Variants in SPRYD7 observed in about 807,000 individuals in gnomAD.
The protein encoded by SPRYD7 is SPRY domain containing 7, also known as SPRY domain-containing protein 7.
A neutral mutation model predicts 23.8 loss-of-function variants in SPRYD7; 14 were observed. The observed-to-expected ratio is 0.59, with a 90% CI of 0.39 to 0.92. The LOEUF (loss-of-function observed/expected upper bound fraction) is 0.92, where lower values mean the gene tolerates loss of function less well. Ranked by LOEUF, SPRYD7 falls within the 40% of genes least tolerant of loss-of-function variation. The pLI is 0.00. For missense variants in SPRYD7, 194 were observed against 241.7 expected, an observed-to-expected ratio of 0.80 and a Z score of 1.31; for synonymous variants, 75 against 84.9, an observed-to-expected ratio of 0.88 and a Z score of 0.64.
chr13:49,933,446 A>G (rs1237623398), intron 1 of SPRYD7, among the ~76,000 whole-genome samples: 1 of 151,988 alleles, frequency 6.6e-6, no homozygotes, highest in Non-Finnish European at 1.5e-5. Flanking sequence ...TACTAAAAAT[A>G]CAAAAATTAG....
chr13:49,934,133 C>G (rs970440349), intron 1 of SPRYD7, among the ~76,000 whole-genome samples: 1 of 151,680 alleles, frequency 6.6e-6, no homozygotes, highest in Non-Finnish European at 1.5e-5. Flanking sequence ...TTTCTATTTT[C>G]AAGTCAAGAT....
chr13:49,915,424 T>C (rs1032471828), intron 4 of SPRYD7, among the ~76,000 whole-genome samples: 1 of 152,150 alleles, frequency 6.6e-6, no homozygotes, highest in African/African-American at 2.4e-5. Flanking sequence ...GATGTGAATA[T>C]GGGTAATTTT....
rs1341824498 is a variant in SPRYD7, at chr13:49,927,911, G to T, written c.390+8C>A. ...TACAGTGGAAAGCAACTCCATGAGG[G>T]AACTCACCACCACATCTCCTTCCTG... is the stretch of plus-strand genomic sequence containing the variant. On this transcript the variant is annotated splice_region_variant and intron_variant, in intron 3 of 4. Coordinates refer to ENST00000361840, the MANE Select transcript of SPRYD7 (RefSeq NM_020456.4). The T allele has an allele frequency of 6.2e-7, 1 of 1,613,880 alleles. No homozygotes were observed. The highest frequency in any genetic ancestry group is 1.1e-5 in the South Asian group (1 of 90,992).
At chr13:49,930,553 C>T (rs1329347734) in intron 2 of SPRYD7, among the ~76,000 whole-genome samples, 1 of 151,786 alleles carries the variant, frequency 6.6e-6, no homozygotes, top group Non-Finnish European at 1.5e-5. Context: ...TGCACTCCAG[C>T]CTGGGTGACA....
intron 2 of SPRYD7, among the ~76,000 whole-genome samples, chr13:49,928,585 T>C (rs564201457): frequency 6.6e-6 from 1 of 152,296 alleles, no homozygotes; most frequent in East Asian, 1.9e-4. Flanking sequence ...CTTGCGCAAA[T>C]TACCTAACCT....
intron 4 of SPRYD7, among the ~76,000 whole-genome samples, chr13:49,917,047 AATTATTGAGAGCTCAG>A (rs1249786248): frequency 4.6e-5 from 7 of 152,198 alleles, no homozygotes; most frequent in African/African-American, 7.2e-5. Context: ...AATTGCTGAA[AATTATTGAGAGCTCAG>A]ATTAGGCTAG....
chr13:49,928,118 T>G, intron 2 of SPRYD7, 33 bp from the exon 3 acceptor site: 1 of 1,587,928 alleles, frequency 6.3e-7, no homozygotes, highest in Non-Finnish European at 8.6e-7. Flanking sequence ...GCCCTCAAAA[T>G]CTGAAGACTA....
chr13:49,918,625 G>A (rs533121835), intron 4 of SPRYD7, among the ~76,000 whole-genome samples: 1 of 150,440 alleles, frequency 6.6e-6, no homozygotes, highest in Non-Finnish European at 1.5e-5. Flanking sequence ...TGACCCACCT[G>A]TCTTGGCCTC....
At position 49,915,134 on chromosome 13, in the gene SPRYD7, G is replaced by T. The variant is rs767553490; in HGVS notation, c.520C>A (p.Gln174Lys). ...YVDDSAILDCQFSEFYHTPPP... is the reference protein window; with the variant it reads ...YVDDSAILDCKFSEFYHTPPP... ...GGCGTATGATAAAACTCACTGAACTGGCAATCCAAAATTGCACTGTCATCA... is the reference window on the plus strand; with the variant it reads ...GGCGTATGATAAAACTCACTGAACTTGCAATCCAAAATTGCACTGTCATCA... Residue 174 changes from glutamine (Q) to lysine (K), a missense_variant, in exon 5 of 5, where the codon CAG (glutamine) becomes AAG (lysine). Physicochemically the swap from Gln to Lys is moderately conservative, Grantham distance 53. Transcript: ENST00000361840. The T allele has an allele frequency of 1.9e-6, 3 of 1,558,506 alleles. No individual in the cohort carries two copies. In the African/African-American group the frequency reaches 4.1e-5, roughly 21 times the overall value.
intron 3 of SPRYD7, among the ~76,000 whole-genome samples, chr13:49,924,388 A>G (rs1014461342): frequency 2.6e-5 from 4 of 152,010 alleles, no homozygotes; most frequent in Admixed American, 2.0e-4. Flanking sequence ...CAGTTCTCCC[A>G]CCTCAGCCTT....
At chr13:49,915,252 T>A (rs1209212770) in intron 4 of SPRYD7, 92 bp from the exon 5 acceptor site, 1 of 525,072 alleles carries the variant, frequency 1.9e-6, no homozygotes, top group African/African-American at 2.0e-5. Context: ...ACTGTCTCCA[T>A]AATACTACAA....
At chr13:49,928,215 A>T (rs1955905963) in intron 2 of SPRYD7, 130 bp from the exon 3 acceptor site, 3 of 776,510 alleles carry the variant, frequency 3.9e-6, no homozygotes, top group Admixed American at 3.1e-5. Context: ...TACTCTTTTT[A>T]AAAAATCTTC....
chr13:49,921,809 C>G (rs1320398652), intron 3 of SPRYD7, among the ~76,000 whole-genome samples: 1 of 152,108 alleles, frequency 6.6e-6, no homozygotes, highest in South Asian at 2.1e-4. Context: ...AAAACAAAGC[C>G]AACAGTTTAA....
Position 49,915,300 on chromosome 13 carries a change from C to T in SPRYD7, c.494-140G>A, listed in dbSNP as rs150672212. ...AGAAGAATAAATATATCTGCTGTCC[C>T]TGTTACAAAACATAATCCTATGGGT... is the stretch of plus-strand genomic sequence containing the variant. On this transcript the variant is annotated intron_variant, in intron 4 of 4. Coordinates refer to ENST00000361840, the MANE Select transcript of SPRYD7 (RefSeq NM_020456.4). The T allele has an allele frequency of 1.6e-4, 63 of 388,280 alleles. 1 individual carries two copies. Among genetic ancestry groups the T allele is most frequent in the African/African-American group, 1.1e-3 (54 of 47,880 alleles). 24.1% of individuals were successfully genotyped at this position (388,280 alleles called of 1,614,324 possible).
chr13:49,935,419 G>C (rs1871579787), intron 1 of SPRYD7, among the ~76,000 whole-genome samples: 1 of 152,192 alleles, frequency 6.6e-6, no homozygotes, highest in African/African-American at 2.4e-5. Flanking sequence ...GGCTATGATG[G>C]GAGAGGAAGA....
At chr13:49,928,765 T>C (rs7995557) in intron 2 of SPRYD7, among the ~76,000 whole-genome samples, 27,062 of 152,116 alleles carry the variant, frequency 0.18, 2,748 homozygotes, top group African/African-American at 0.26. Context: ...GCTGTCATCA[T>C]CATCATTATT....
At chr13:49,935,633 G>A in intron 1 of SPRYD7, 1 of 152,310 alleles carries the variant, frequency 6.6e-6, no homozygotes, top group Non-Finnish European at 1.5e-5. Flanking sequence ...TGCGACTTCA[G>A]ACTTCTGCAG....
intron 3 of SPRYD7, among the ~76,000 whole-genome samples, chr13:49,925,329 T>C (rs1195946413): frequency 6.7e-6 from 1 of 150,368 alleles, no homozygotes; most frequent in Non-Finnish European, 1.5e-5. Context: ...GAGGTGGAGG[T>C]TGCAGTGAGC....
At chr13:49,927,844 G>A (rs11617754) in intron 3 of SPRYD7, 75 bp downstream of exon 3, 213,304 of 1,503,326 alleles carry the variant, frequency 0.14, 24,221 homozygotes, top group East Asian at 0.57. Flanking sequence ...CAAACTCCCA[G>A]ACAAAGCTGT....
Sources: gnomAD v4.1 joint callset for allele counts (sites outside exome capture counted in the v4.1 genomes callset) on GRCh38, gnomAD v4.1.1 for gene constraint, MANE v1.5 for transcripts, NCBI Gene and HGNC (gene_info 2026-07-23, HGNC 2026-07-21) for gene names.